The following INSC variants were observed in gnomAD, a reference collection of about 807,000 sequenced individuals.
The protein encoded by INSC is protein inscuteable homolog.
Under a neutral mutation model 58.6 loss-of-function variants are expected in INSC, and 67 were observed. The ratio of observed to expected loss-of-function variants is 1.14; its 90% CI spans 0.94 to 1.40. The LOEUF is 1.40. INSC is among the 40% of genes most tolerant of loss of function. INSC has a pLI of 0.00. For missense variants in INSC, 714 were observed against 692.0 expected (o/e 1.03, Z -0.36); for synonymous variants, 262 against 276.1 (o/e 0.95, Z 0.51).
At chr11:15,145,404 C>A (rs866693405) in intron 1 of INSC, among the ~76,000 whole-genome samples, 8 of 152,188 alleles carry the variant, frequency 5.3e-5, no homozygotes, top group Non-Finnish European at 8.8e-5. Flanking sequence ...TTGTCTTGAA[C>A]TCAGTTTTGG....
chr11:15,203,477 G>T (rs1850677557), intron 7 of INSC, among the ~76,000 whole-genome samples: 1 of 152,234 alleles, frequency 6.6e-6, no homozygotes, highest in Non-Finnish European at 1.5e-5. Context: ...TTGTGTAGCA[G>T]TTGTAGAGCT....
chr11:15,190,599 C>A, intron 5 of INSC, 102 bp from the exon 6 acceptor site: 1 of 799,234 alleles, frequency 1.3e-6, no homozygotes, highest in Non-Finnish European at 2.2e-6. Flanking sequence ...GAGTAGATTC[C>A]ATGGTTGCTG....
chr11:15,133,749 G>C (rs968837743), intron 1 of INSC, among the ~76,000 whole-genome samples: 7 of 152,142 alleles, frequency 4.6e-5, no homozygotes, highest in African/African-American at 1.7e-4. Context: ...TTGAACTCTT[G>C]CTTAGGTTTC....
At chr11:15,171,381 GC>G (rs1293150935) in intron 2 of INSC, among the ~76,000 whole-genome samples, 1 of 152,036 alleles carries the variant, frequency 6.6e-6, no homozygotes, top group Non-Finnish European at 1.5e-5. Flanking sequence ...TGAATGGCCA[GC>G]CCCTAATCTG....
At chr11:15,256,576 G>A in the INSC span, among the ~76,000 whole-genome samples, 3 of 150,384 alleles carry the variant, frequency 2.0e-5, no homozygotes, top group East Asian at 3.9e-4. Flanking sequence ...CGCAACCTCC[G>A]CCTTCCAGTT....
chr11:15,224,416 A>G (rs1851554204), intron 8 of INSC, among the ~76,000 whole-genome samples: 1 of 152,216 alleles, frequency 6.6e-6, no homozygotes, highest in Non-Finnish European at 1.5e-5. Flanking sequence ...GGTAGGTGCT[A>G]AGAGGTGGCA....
At chr11:15,188,488 G>A (rs1850054209) in intron 5 of INSC, among the ~76,000 whole-genome samples, 1 of 152,162 alleles carries the variant, frequency 6.6e-6, no homozygotes, top group African/African-American at 2.4e-5. Context: ...ATGAAGATTG[G>A]ACAGATGATT....
chr11:15,212,376 G>A (rs1176194857), intron 7 of INSC, among the ~76,000 whole-genome samples: 1 of 152,122 alleles, frequency 6.6e-6, no homozygotes, highest in African/African-American at 2.4e-5. Context: ...CAGGTGATCC[G>A]CCCACCTCAG....
intron 2 of INSC, among the ~76,000 whole-genome samples, chr11:15,169,389 G>A (rs1048110669): frequency 5.3e-5 from 8 of 152,310 alleles, no homozygotes; most frequent in African/African-American, 1.9e-4. Flanking sequence ...CCAGTTCTTT[G>A]AGGAAGGCTC....
intron 6 of INSC, among the ~76,000 whole-genome samples, chr11:15,197,774 C>G (rs1221158657): frequency 6.6e-6 from 1 of 152,102 alleles, no homozygotes; most frequent in Admixed American, 6.5e-5. Flanking sequence ...TCAAAATTAT[C>G]CCCCCCACCA....
intron 9 of INSC, chr11:15,235,162 A>T (rs1224541818): frequency 8.7e-6 from 2 of 230,506 alleles, no homozygotes; most frequent in Non-Finnish European, 1.8e-5. Flanking sequence ...GAGGGTTAGT[A>T]TCCAGGAAAG....
intron 1 of INSC, among the ~76,000 whole-genome samples, chr11:15,118,635 T>C (rs1847794123): frequency 6.6e-6 from 1 of 152,206 alleles, no homozygotes; most frequent in South Asian, 2.1e-4. Flanking sequence ...AGGTGTTTTT[T>C]CCTTCCCAGA....
chr11:15,119,231 A>C (rs1847808654), intron 1 of INSC, among the ~76,000 whole-genome samples: 1 of 152,204 alleles, frequency 6.6e-6, no homozygotes, highest in Admixed American at 6.5e-5. Context: ...GCTGTGTGAG[A>C]AGCAGGGATT....
chr11:15,266,253 T>G, the INSC span, among the ~76,000 whole-genome samples: 1 of 149,776 alleles, frequency 6.7e-6, no homozygotes, highest in Non-Finnish European at 1.5e-5. Context: ...TGATGTGATC[T>G]CAAAAAAAAA....
chr11:15,232,136 G>C lies in INSC; in HGVS notation c.1171-3466G>C, dbSNP rs569795006. Among the ~76,000 whole-genome samples, 12 of 152,336 alleles carry C rather than the reference G, an allele frequency of 7.9e-5. No individual in the cohort carries two copies. In the East Asian group the frequency reaches 2.3e-3, roughly 29 times the overall value. On this transcript the variant is annotated intron_variant, in intron 9 of 12. Coordinates refer to ENST00000379556, the MANE Select transcript of INSC (RefSeq NM_001042536.3). ...AAAATAATTTGAAAATGCCACAGAA[G>C]GTAGTGAATACACACTTTGCTGTTC...
chr11:15,147,303 C>T (rs939291861), intron 1 of INSC, among the ~76,000 whole-genome samples: 2 of 152,076 alleles, frequency 1.3e-5, no homozygotes, highest in Non-Finnish European at 2.9e-5. Flanking sequence ...ATGGAAATAA[C>T]GATGGTGATA....
rs1043277439 is a variant in INSC at position 15,209,997 on chromosome 11, C to T, written c.819+9048C>T. On this transcript the variant is annotated intron_variant, in intron 7 of 12. Coordinates refer to ENST00000379556, the MANE Select transcript of INSC (RefSeq NM_001042536.3). ...CCTGGCAATTTGCACCGGCTTTGCC[C>T]GTCTCCTAATTCTAATGGCCCTAAG... Among the ~76,000 whole-genome samples, 17 of 152,322 alleles carry T rather than the reference C, an allele frequency of 1.1e-4. No homozygotes were observed. In the East Asian group the frequency reaches 2.5e-3, roughly 22 times the overall value.
intron 5 of INSC, among the ~76,000 whole-genome samples, chr11:15,182,261 A>G (rs1849807757): frequency 6.6e-6 from 1 of 152,164 alleles, no homozygotes; most frequent in South Asian, 2.1e-4. Context: ...TGTCATCCTT[A>G]GGGTTGCCAA....
chr11:15,160,520 G>A (rs1848982388), intron 2 of INSC, among the ~76,000 whole-genome samples: 1 of 152,134 alleles, frequency 6.6e-6, no homozygotes, highest in Non-Finnish European at 1.5e-5. Flanking sequence ...TGTTCTTGTG[G>A]CTTATATCAC....
Sources: allele counts gnomAD v4.1 joint callset (sites outside exome capture counted in the v4.1 genomes callset), GRCh38; gene constraint gnomAD v4.1.1; transcripts MANE v1.5; gene names NCBI Gene and HGNC (gene_info 2026-07-23, HGNC 2026-07-21).